The following ARFGEF2 variants were observed in gnomAD, a reference collection of about 807,000 sequenced individuals.
ARFGEF2 encodes ARF guanine nucleotide exchange factor 2, also known as brefeldin A-inhibited guanine nucleotide-exchange protein 2.
A neutral mutation model predicts 219.9 loss-of-function variants in ARFGEF2; 74 were observed. That is an observed-to-expected ratio of 0.34 (90% CI 0.28 to 0.41). The LOEUF (loss-of-function observed/expected upper bound fraction) is 0.41, where lower values mean the gene tolerates loss of function less well. Among genes scored for constraint, ARFGEF2 ranks in the 10% least tolerant of loss-of-function variants. ARFGEF2 has a pLI of 1.00. For missense variants in ARFGEF2, 1,743 were observed against 2,218.3 expected, an observed-to-expected ratio of 0.79 and a Z score of 4.30; for synonymous variants, 733 against 799.2, an observed-to-expected ratio of 0.92 and a Z score of 1.40.
At chr20:49,019,984 A>G (rs1001763823) in intron 34 of ARFGEF2, among the ~76,000 whole-genome samples, 3 of 152,228 alleles carry the variant, frequency 2.0e-5, no homozygotes, top group African/African-American at 7.2e-5. Context: ...GTCATGTACC[A>G]GGCACTGTAC....
At chr20:48,964,940 T>C (rs141574170) in intron 7 of ARFGEF2, among the ~76,000 whole-genome samples, 16 of 152,372 alleles carry the variant, frequency 1.1e-4, no homozygotes, top group Middle Eastern at 3.4e-3. Flanking sequence ...CAGTTACTTA[T>C]GTGCCCATGT....
chr20:48,922,667 A>G lies in ARFGEF2; in HGVS notation c.121+657A>G, dbSNP rs369830841. Among the ~76,000 whole-genome samples, 17 of 152,366 alleles carry G rather than the reference A, an allele frequency of 1.1e-4. No individual in the cohort carries two copies. The East Asian group carries it at 2.7e-3, about 24-fold the overall frequency. On this transcript the variant is annotated intron_variant, in intron 1 of 38. Coordinates refer to ENST00000371917, the MANE Select transcript of ARFGEF2 (RefSeq NM_006420.3). The stretch of plus-strand genomic sequence containing the variant: ...GCGCTTGCAACAGTGCCTGGCGCAC[A>G]GTAGGTGCTCGATAAATATTTGCTG...
chr20:49,011,824 CTGAT>C, intron 27 of ARFGEF2, 96 bp from the exon 28 acceptor site: 1 of 1,281,438 alleles, frequency 7.8e-7, no homozygotes, highest in Non-Finnish European at 1.1e-6. Context: ...TTAATTATCT[CTGAT>C]GTATGTGTGT....
intron 7 of ARFGEF2, among the ~76,000 whole-genome samples, chr20:48,965,057 A>G (rs928849976): frequency 6.6e-6 from 1 of 152,208 alleles, no homozygotes; most frequent in African/African-American, 2.4e-5. Flanking sequence ...AGCTATATAC[A>G]TATTCTATTA....
At chr20:48,928,821 A>G (rs894399154) in intron 1 of ARFGEF2, among the ~76,000 whole-genome samples, 5 of 152,202 alleles carry the variant, frequency 3.3e-5, no homozygotes, top group African/African-American at 4.8e-5. Flanking sequence ...AGGAAAAGGA[A>G]CTGAATGCTT....
chr20:48,964,033 A>C (rs186240834), intron 7 of ARFGEF2, 135 bp downstream of exon 7: 295 of 782,728 alleles, frequency 3.8e-4, no homozygotes, highest in Non-Finnish European at 6.0e-4. Context: ...GAATCTTCCC[A>C]CGTCTGCCCA....
intron 14 of ARFGEF2, among the ~76,000 whole-genome samples, chr20:48,981,541 G>T (rs2091295881): frequency 6.6e-6 from 1 of 152,164 alleles, no homozygotes. Flanking sequence ...TTGCTAGGTT[G>T]GGGAAGTTCT....
At chr20:48,985,719 T>C in intron 16 of ARFGEF2, 106 bp downstream of exon 16, 1 of 1,238,360 alleles carries the variant, frequency 8.1e-7, no homozygotes. Flanking sequence ...GCCAAGCAAC[T>C]GAAGCTTTTG....
At chr20:48,947,953 A>G (rs1348682282) in intron 3 of ARFGEF2, among the ~76,000 whole-genome samples, 3 of 152,158 alleles carry the variant, frequency 2.0e-5, no homozygotes, top group African/African-American at 7.2e-5. Context: ...AAATTCTAAC[A>G]TTTTCTTTTT....
At chr20:48,999,464 T>A (rs1260957527) in intron 25 of ARFGEF2, among the ~76,000 whole-genome samples, 2 of 152,116 alleles carry the variant, frequency 1.3e-5, no homozygotes, top group East Asian at 3.9e-4. Context: ...AAGAAATGTA[T>A]GTGGCCGGGC....
chr20:49,017,080 A>G (rs1017872540), intron 31 of ARFGEF2, among the ~76,000 whole-genome samples, 169 bp from the exon 32 acceptor site: 1 of 152,168 alleles, frequency 6.6e-6, no homozygotes, highest in Non-Finnish European at 1.5e-5. Flanking sequence ...TTAACTCTTC[A>G]AAAAAATTTT....
At chr20:48,930,235 A>C (rs2090904539) in intron 1 of ARFGEF2, among the ~76,000 whole-genome samples, 1 of 152,166 alleles carries the variant, frequency 6.6e-6, no homozygotes, top group Non-Finnish European at 1.5e-5. Flanking sequence ...TCAGGAGCAC[A>C]CTCATGCAGT....
intron 1 of ARFGEF2, among the ~76,000 whole-genome samples, chr20:48,935,689 ACCT>A (rs1416910689): frequency 1.3e-5 from 2 of 149,514 alleles, no homozygotes; most frequent in Non-Finnish European, 3.0e-5. Flanking sequence ...GGCGCCCCTC[ACCT>A]CCTGGACGGG....
intron 34 of ARFGEF2, among the ~76,000 whole-genome samples, chr20:49,019,536 T>C (rs535028601): frequency 6.6e-5 from 10 of 152,378 alleles, no homozygotes; most frequent in African/African-American, 2.2e-4. Flanking sequence ...GGAGCAATAC[T>C]GCATTGAATA....
At chr20:48,940,836 A>G (rs2090988830) in intron 1 of ARFGEF2, among the ~76,000 whole-genome samples, 3 of 152,168 alleles carry the variant, frequency 2.0e-5, no homozygotes, top group African/African-American at 7.2e-5. Context: ...ATGCTACTAA[A>G]CATCCTAGAG....
In ARFGEF2 at chr20:48,975,533, A is replaced by G. The variant is rs377488623; in HGVS notation, c.1775-483A>G. On this transcript the variant is annotated intron_variant, in intron 13 of 38. Coordinates refer to ENST00000371917, the MANE Select transcript of ARFGEF2 (RefSeq NM_006420.3). The stretch of plus-strand genomic sequence containing the variant: ...TTAGCTCATCAAGGCTGGGCACGGC[A>G]GATCATGCCTGTAACCCCAGCACTT... Among the ~76,000 whole-genome samples, 18 of 152,238 alleles carry G rather than the reference A, an allele frequency of 1.2e-4. 1 individual carries two copies. The highest frequency in any genetic ancestry group is 8.3e-4 in the South Asian group (4 of 4,828).
In ARFGEF2 at chr20:48,984,723, A is replaced by C. The variant is rs2091316699; in HGVS notation, c.1959-6A>C. On this transcript the variant is annotated splice_region_variant and splice_polypyrimidine_tract_variant and intron_variant, in intron 14 of 38. Coordinates refer to ENST00000371917, the MANE Select transcript of ARFGEF2 (RefSeq NM_006420.3). Reference sequence around the variant, plus strand: ...GCAACTTGTGTCCCATCTCTGCTTGAAACAGGTTCAACAAGAAACCCAAGA... The same window carrying C: ...GCAACTTGTGTCCCATCTCTGCTTGCAACAGGTTCAACAAGAAACCCAAGA... 6.2e-7 allele frequency: 1 copy of C among 1,613,946 alleles called. No homozygotes were observed. The highest frequency in any genetic ancestry group is 8.5e-7 in the Non-Finnish European group (1 of 1,180,042).
At chr20:48,979,973 C>G (rs564440588) in intron 14 of ARFGEF2, among the ~76,000 whole-genome samples, 1 of 151,688 alleles carries the variant, frequency 6.6e-6, no homozygotes, top group African/African-American at 2.4e-5. Flanking sequence ...TTTTATGTCT[C>G]TATCTCCTTC....
chr20:48,959,698 C>G (rs1010606536), intron 6 of ARFGEF2, among the ~76,000 whole-genome samples: 2 of 149,972 alleles, frequency 1.3e-5, no homozygotes, highest in African/African-American at 4.9e-5. Context: ...CAACCTCTGC[C>G]TCTCAGGCTC....
Sources: gnomAD v4.1 joint callset for allele counts (sites outside exome capture counted in the v4.1 genomes callset) on GRCh38, gnomAD v4.1.1 for gene constraint, MANE v1.5 for transcripts, NCBI Gene and HGNC (gene_info 2026-07-23, HGNC 2026-07-21) for gene names.